SVOP: variants seen among roughly 807,000 people sequenced by gnomAD.
The protein encoded by SVOP is SV2 related protein.
Under a neutral mutation model 69.1 loss-of-function variants are expected in SVOP, and 17 were observed. That is an observed-to-expected ratio of 0.25 (90% CI 0.17 to 0.37). The LOEUF (loss-of-function observed/expected upper bound fraction) is 0.37, where lower values mean the gene tolerates loss of function less well. Among genes scored for constraint, SVOP ranks in the 10% least tolerant of loss-of-function variants. SVOP has a pLI of 1.00. For synonymous variants in SVOP, 238 were observed against 238.6 expected, an observed-to-expected ratio of 1.00 and a Z score of 0.02; for missense variants, 435 against 597.5, an observed-to-expected ratio of 0.73 and a Z score of 2.84.
intron 7 of SVOP, 30 bp from the exon 8 acceptor site, chr12:108,940,939 G>C: frequency 6.5e-7 from 1 of 1,533,646 alleles, no homozygotes; most frequent in Non-Finnish European, 8.7e-7. Context: ...GTCAGTGGTG[G>C]GGGTAGCATG....
intron 11 of SVOP, among the ~76,000 whole-genome samples, chr12:108,924,744 G>A (rs1028625726): frequency 1.3e-5 from 2 of 152,162 alleles, no homozygotes; most frequent in East Asian, 3.8e-4. Context: ...CACCCAAGAA[G>A]GTTAGAGCCA....
chr12:108,947,157 C>G (rs2039930139), intron 6 of SVOP, among the ~76,000 whole-genome samples: 1 of 152,144 alleles, frequency 6.6e-6, no homozygotes, highest in African/African-American at 2.4e-5. Context: ...ACAAGATATT[C>G]AGCTCATCTT....
rs1778800433 is a variant in SVOP, at chr12:108,908,587, C to T, written c.*3948G>A. ...TCTTGTCCTTACACCTTTTCCATTT[C>T]ACTGATTTACATGCCCTGAATTTCC... On this transcript the variant is annotated 3_prime_UTR_variant, in exon 16 of 16. Transcript: ENST00000610966. 1 of 152,152 alleles carries T rather than the reference C, an allele frequency of 6.6e-6. No individual in the cohort carries two copies. 9.4% of individuals were successfully genotyped at this position (152,152 alleles called of 1,614,324 possible).
At chr12:109,003,445 G>T (rs374477686) in intron 1 of SVOP, among the ~76,000 whole-genome samples, 1 of 152,214 alleles carries the variant, frequency 6.6e-6, no homozygotes, top group East Asian at 1.9e-4. Flanking sequence ...CTTGCAGACG[G>T]TTGTGAGCAT....
intron 11 of SVOP, among the ~76,000 whole-genome samples, chr12:108,931,796 T>A (rs147546768): frequency 6.7e-6 from 1 of 148,172 alleles, no homozygotes; most frequent in East Asian, 2.0e-4. Context: ...ATTGCGCCAC[T>A]GCACTCCAGC....
chr12:108,919,900 A>T, intron 12 of SVOP, 114 bp from the exon 13 acceptor site: 1 of 670,072 alleles, frequency 1.5e-6, no homozygotes, highest in South Asian at 1.8e-5. Flanking sequence ...AGACTTAGTG[A>T]CTCACTTCTA....
intron 11 of SVOP, among the ~76,000 whole-genome samples, chr12:108,929,106 A>G (rs1423673124): frequency 5.3e-5 from 8 of 152,138 alleles, no homozygotes; most frequent in Admixed American, 5.2e-4. Flanking sequence ...AGGCTTAACC[A>G]TTTCTCCAGG....
chr12:108,922,981 AG>A (rs1157444081), intron 11 of SVOP, among the ~76,000 whole-genome samples, 184 bp from the exon 12 acceptor site: 1 of 152,200 alleles, frequency 6.6e-6, no homozygotes, highest in Non-Finnish European at 1.5e-5. Flanking sequence ...CATCTCTCTA[AG>A]TGTGAGTTTC....
rs1491414646 is a variant in SVOP at position 108,961,426 on chromosome 12, ACT to A, written c.454-381_454-380del. On this transcript the variant is annotated intron_variant, in intron 5 of 15. Transcript: ENST00000610966. The stretch of plus-strand genomic sequence containing the variant: ...TTTTGCTCTGTTTCACACATTCAAG[ACT>A]TTTTTTTTTTTTTTTTTGGCATAGT... Among the ~76,000 whole-genome samples the A allele has an allele frequency of 7.9e-4, 72 of 91,036 alleles. 1 individual carries two copies. Among genetic ancestry groups the A allele is most frequent in the African/African-American group, 2.5e-3 (67 of 26,378 alleles). The allele number at this position is 91,036 out of a possible 152,430, so 59.7% of individuals were successfully genotyped here.
chr12:108,953,202 G>A (rs1358417751), intron 6 of SVOP, among the ~76,000 whole-genome samples: 1 of 138,160 alleles, frequency 7.2e-6, no homozygotes, highest in Non-Finnish European at 1.5e-5. Flanking sequence ...AGGCTGGAGT[G>A]CAATGGCATG....
chr12:109,007,541 C>T (rs1314783332), intron 1 of SVOP, among the ~76,000 whole-genome samples: 7 of 152,160 alleles, frequency 4.6e-5, no homozygotes, highest in African/African-American at 1.7e-4. Flanking sequence ...GCACAGAAGT[C>T]GAGAGATGAA....
chr12:108,986,402 C>G (rs1190887858), intron 1 of SVOP, among the ~76,000 whole-genome samples: 1 of 152,074 alleles, frequency 6.6e-6, no homozygotes, highest in Non-Finnish European at 1.5e-5. Flanking sequence ...CCCATTTACT[C>G]TATTTTTTAA....
chr12:108,932,203 GAC>G (rs1465961155), intron 11 of SVOP, among the ~76,000 whole-genome samples: 4 of 151,918 alleles, frequency 2.6e-5, no homozygotes, highest in Non-Finnish European at 5.9e-5. Context: ...TTTTTGTAGA[GAC>G]AGGGTCTTGC....
intron 5 of SVOP, among the ~76,000 whole-genome samples, chr12:108,963,495 A>T (rs541450497): frequency 6.0e-5 from 9 of 149,352 alleles, no homozygotes; most frequent in East Asian, 1.9e-4. Context: ...GTATTTATTT[A>T]TTTTTTTTTT....
intron 1 of SVOP, among the ~76,000 whole-genome samples, chr12:108,986,692 A>G (rs147201322): frequency 3.9e-5 from 6 of 152,306 alleles, no homozygotes; most frequent in Non-Finnish European, 8.8e-5. Flanking sequence ...GTTGCTCAAT[A>G]TTACGGAAAT....
At chr12:109,014,501 T>A (rs1316650764) in intron 1 of SVOP, among the ~76,000 whole-genome samples, 2 of 152,210 alleles carry the variant, frequency 1.3e-5, no homozygotes, top group Non-Finnish European at 2.9e-5. Context: ...GCTGTGAACA[T>A]AGAAGTACGA....
intron 1 of SVOP, among the ~76,000 whole-genome samples, chr12:109,004,823 C>T (rs938186086): frequency 6.6e-6 from 1 of 151,996 alleles, no homozygotes; most frequent in African/African-American, 2.4e-5. Context: ...CTGCAACCTC[C>T]GTCTCCCGAG....
At position 108,960,973 on chromosome 12, in the gene SVOP, G is replaced by C. The variant is rs1428312673; in HGVS notation, c.528C>G (p.Ile176Met). 3.5e-5 allele frequency: 54 copies of C among 1,536,954 alleles called. No homozygotes were observed. Among genetic ancestry groups the C allele is most frequent in the Non-Finnish European group, 4.6e-5 (53 of 1,146,840 alleles). The stretch of plus-strand genomic sequence containing the variant: ...AGCCCACCAGGCCCCGGAGCACCAG[G>C]ATCCAGCTATACACGGGCGCAAATG... ...LSAFAPVYSW[I>M]LVLRGLVGFG... Residue 176 changes from isoleucine (I) to methionine (M), a missense_variant, in exon 6 of 16, where the codon ATC becomes ATG. Ile to Met is a conservative substitution (Grantham distance 10). Transcript: ENST00000610966.
At chr12:108,940,468 T>G (rs186359361) in intron 8 of SVOP, among the ~76,000 whole-genome samples, 1 of 152,252 alleles carries the variant, frequency 6.6e-6, no homozygotes, top group Non-Finnish European at 1.5e-5. Flanking sequence ...ATTGGGTTTC[T>G]GTCATTTGAA....
Sources: allele counts gnomAD v4.1 joint callset (sites outside exome capture counted in the v4.1 genomes callset), GRCh38; gene constraint gnomAD v4.1.1; transcripts MANE v1.5; gene names NCBI Gene and HGNC (gene_info 2026-07-23, HGNC 2026-07-21).